Variants in RALYL observed in about 807,000 individuals in gnomAD.
The protein encoded by RALYL is RNA-binding Raly-like protein.
In RALYL, 29 loss-of-function variants were observed where a neutral mutation model predicts 35.1. The ratio of observed to expected loss-of-function variants is 0.83; its 90% CI spans 0.61 to 1.13. RALYL has a LOEUF of 1.13. RALYL is among the 50% of genes most tolerant of loss of function. RALYL has a pLI of 0.00. For synonymous variants in RALYL, 120 were observed against 127.6 expected, an observed-to-expected ratio of 0.94 and a Z score of 0.40; for missense variants, 359 against 360.4, an observed-to-expected ratio of 1.00 and a Z score of 0.03.
intron 2 of RALYL, among the ~76,000 whole-genome samples, chr8:84,570,366 A>T (rs1807646702): frequency 6.7e-6 from 1 of 149,930 alleles, no homozygotes; most frequent in African/African-American, 2.4e-5. Flanking sequence ...TGAGTTCTTG[A>T]TTTTGCTCTC....
At chr8:84,619,110 C>G (rs1820601299) in intron 2 of RALYL, among the ~76,000 whole-genome samples, 1 of 151,384 alleles carries the variant, frequency 6.6e-6, no homozygotes, top group African/African-American at 2.4e-5. Flanking sequence ...TCTATTAGGT[C>G]CACTTGGTGC....
chr8:84,688,996 C>A (rs1837430982), intron 2 of RALYL, among the ~76,000 whole-genome samples: 1 of 151,594 alleles, frequency 6.6e-6, no homozygotes. Context: ...CAGGAAAATG[C>A]AAATCCAAAC....
At chr8:84,815,631 C>CAATT (rs1020777132) in intron 4 of RALYL, among the ~76,000 whole-genome samples, 1 of 151,810 alleles carries the variant, frequency 6.6e-6, no homozygotes, top group Non-Finnish European at 1.5e-5. Context: ...TTTTTTAGAG[C>CAATT]AATTAACATA....
At chr8:84,908,489 A>G (rs550805698) in intron 8 of RALYL, among the ~76,000 whole-genome samples, 2 of 152,180 alleles carry the variant, frequency 1.3e-5, no homozygotes, top group South Asian at 4.2e-4. Flanking sequence ...ATTTAACGTA[A>G]TGTCCTCCAG....
intron 4 of RALYL, among the ~76,000 whole-genome samples, chr8:84,825,839 C>T (rs986385121): frequency 1.3e-5 from 2 of 152,036 alleles, no homozygotes; most frequent in Non-Finnish European, 2.9e-5. Context: ...CTGCACTCAG[C>T]CTGGGAAATA....
chr8:84,210,463 T>A (rs1819212293), intron 1 of RALYL, among the ~76,000 whole-genome samples: 1 of 150,940 alleles, frequency 6.6e-6, no homozygotes, highest in South Asian at 2.1e-4. Context: ...AATTAGTGGG[T>A]CATTCATAAA....
At chr8:84,589,157 C>G (rs1812666939) in intron 2 of RALYL, among the ~76,000 whole-genome samples, 1 of 152,210 alleles carries the variant, frequency 6.6e-6, no homozygotes, top group Non-Finnish European at 1.5e-5. Context: ...CTCGGCCTCC[C>G]AAAGCGCCGG....
At chr8:84,857,036 G>GAA (rs36119108) in intron 5 of RALYL, among the ~76,000 whole-genome samples, 35,021 of 91,556 alleles carry the variant, frequency 0.38, 7,618 homozygotes, top group Non-Finnish European at 0.48. Context: ...CTCCGTCTCA[G>GAA]AAAAAAAAAA....
At chr8:84,437,282 G>T (rs574549982) in intron 1 of RALYL, among the ~76,000 whole-genome samples, 3 of 152,252 alleles carry the variant, frequency 2.0e-5, no homozygotes, top group Admixed American at 2.0e-4. Flanking sequence ...ATGGGCCATA[G>T]GTTGATTTCA....
rs1838332384 is a variant in RALYL at position 84,862,584 on chromosome 8, C to A, written c.571+131C>A. ...TGCTATGTATAAAGTGTTAGAAAAT[C>A]ATAAGATGGATAAAAAATGGTCTCT... On this transcript the variant is annotated intron_variant, in intron 6 of 8. Transcript: ENST00000521268. The A allele has an allele frequency of 5.7e-6, 4 of 696,136 alleles. No homozygotes were observed. In the South Asian group the frequency reaches 1.0e-4, roughly 18 times the overall value. The allele number at this position is 696,136 out of a possible 1,614,324, so 43.1% of individuals were successfully genotyped here. A position where few individuals can be genotyped will look rare whatever the true frequency, so the allele number is the denominator to read the frequency against.
chr8:84,767,967 A>G (rs1814522520), intron 2 of RALYL, among the ~76,000 whole-genome samples: 1 of 152,204 alleles, frequency 6.6e-6, no homozygotes, highest in Admixed American at 6.5e-5. Flanking sequence ...TTTCTTGAGA[A>G]CAGTTTAAGA....
At chr8:84,358,736 T>C (rs1021584850) in intron 1 of RALYL, among the ~76,000 whole-genome samples, 1 of 152,054 alleles carries the variant, frequency 6.6e-6, no homozygotes, top group African/African-American at 2.4e-5. Context: ...AATTGAAAAT[T>C]GCTTAGTTAG....
intron 2 of RALYL, among the ~76,000 whole-genome samples, chr8:84,594,403 CCAAAGTGA>C: frequency 6.6e-6 from 1 of 151,586 alleles, no homozygotes; most frequent in Non-Finnish European, 1.5e-5. Flanking sequence ...CTTTTTTGAT[CCAAAGTGA>C]GAACTTTTTA....
At chr8:84,897,117 AAT>A (rs1844892538) in intron 8 of RALYL, among the ~76,000 whole-genome samples, 1 of 152,184 alleles carries the variant, frequency 6.6e-6, no homozygotes, top group Non-Finnish European at 1.5e-5. Flanking sequence ...TTGGTATGAA[AAT>A]AGAGTAATAA....
chr8:84,516,908 G>C (rs1057436051), intron 1 of RALYL, among the ~76,000 whole-genome samples: 2 of 152,092 alleles, frequency 1.3e-5, no homozygotes, highest in Admixed American at 1.3e-4. Context: ...ACTACTTTCT[G>C]TCTCATCAGC....
At chr8:84,399,783 G>A (rs1701371423) in intron 1 of RALYL, among the ~76,000 whole-genome samples, 1 of 152,188 alleles carries the variant, frequency 6.6e-6, no homozygotes, top group Non-Finnish European at 1.5e-5. Flanking sequence ...TAGTTTACCT[G>A]TTGTTAGAAG....
intron 2 of RALYL, among the ~76,000 whole-genome samples, chr8:84,750,825 G>A (rs1809807337): frequency 1.3e-5 from 2 of 152,096 alleles, no homozygotes; most frequent in Non-Finnish European, 2.9e-5. Context: ...CCCACCAGAT[G>A]TGGCCCCTTG....
intron 8 of RALYL, among the ~76,000 whole-genome samples, chr8:84,912,141 G>A (rs1384038296): frequency 6.6e-6 from 1 of 151,992 alleles, no homozygotes; most frequent in Non-Finnish European, 1.5e-5. Context: ...CTATCTAGGG[G>A]CCTTGCCCTA....
At chr8:84,299,793 T>G (rs907708131) in intron 1 of RALYL, among the ~76,000 whole-genome samples, 3 of 151,882 alleles carry the variant, frequency 2.0e-5, no homozygotes, top group Non-Finnish European at 4.4e-5. Flanking sequence ...TTTTTGTGTT[T>G]CTGAGACATC....
Sources: allele counts gnomAD v4.1 joint callset (sites outside exome capture counted in the v4.1 genomes callset), GRCh38; gene constraint gnomAD v4.1.1; transcripts MANE v1.5; gene names NCBI Gene and HGNC (gene_info 2026-07-23, HGNC 2026-07-21).